The following WDR1 variants were observed in gnomAD, a reference collection of about 807,000 sequenced individuals.
WDR1 encodes WD repeat domain 1, also known as WD repeat-containing protein 1.
A neutral mutation model predicts 71.9 loss-of-function variants in WDR1; 21 were observed. The ratio of observed to expected loss-of-function variants is 0.29; its 90% CI spans 0.21 to 0.42. The LOEUF is 0.42. Among genes scored for constraint, WDR1 ranks in the 10% least tolerant of loss-of-function variants. WDR1 has a pLI of 1.00. For missense variants in WDR1, 696 were observed against 824.5 expected (o/e 0.84, Z 1.91); for synonymous variants, 424 against 347.4 (o/e 1.22, Z -2.45).
intron 5 of WDR1, chr4:10,092,782 T>C (rs1002178374): frequency 2.9e-5 from 9 of 312,560 alleles, no homozygotes; most frequent in South Asian, 1.0e-4. Flanking sequence ...GGGAGAGGGA[T>C]TGGGGAACCT....
chr4:10,110,389 G>A (rs1713278444), intron 2 of WDR1, among the ~76,000 whole-genome samples: 1 of 152,186 alleles, frequency 6.6e-6, no homozygotes, highest in South Asian at 2.1e-4. Context: ...TTACGCATGA[G>A]GCTAAACCTC....
intron 5 of WDR1, among the ~76,000 whole-genome samples, chr4:10,095,379 C>T (rs569488710): frequency 6.6e-6 from 1 of 152,230 alleles, no homozygotes. Context: ...CTTCCACATC[C>T]CAGGCTTTCC....
intron 3 of WDR1, among the ~76,000 whole-genome samples, chr4:10,101,215 G>C (rs1213251388): frequency 6.6e-6 from 1 of 152,224 alleles, no homozygotes. Flanking sequence ...TGCCCCGTGG[G>C]AATGTGGGCT....
chr4:10,077,857 T>G lies in WDR1; in HGVS notation c.1465A>C (p.Lys489Gln), dbSNP rs568869293. 1 of 1,611,176 alleles carries G rather than the reference T, an allele frequency of 6.2e-7. No individual in the cohort carries two copies. The highest frequency in any genetic ancestry group is 1.1e-5 in the South Asian group (1 of 90,482). Reference protein sequence around the residue: ...LKDEGKLLEAKGPVTDVAYSH... With the variant: ...LKDEGKLLEAQGPVTDVAYSH... The stretch of plus-strand genomic sequence containing the variant: ...TAGGCCACGTCGGTCACGGGGCCCT[T>G]GGCCTCTAGGAGCTTGCCCTCATCC... Residue 489 changes from lysine to glutamine, a missense_variant, in exon 13 of 15, where the codon AAG (lysine) becomes CAG (glutamine). Coordinates refer to ENST00000499869, the MANE Select transcript of WDR1 (RefSeq NM_017491.5).
chr4:10,098,421 A>C (rs1712486519), intron 4 of WDR1, among the ~76,000 whole-genome samples: 1 of 152,252 alleles, frequency 6.6e-6, no homozygotes, highest in African/African-American at 2.4e-5. Flanking sequence ...TGTCAAGTTC[A>C]AGGGGTTATG....
At chr4:10,089,104 C>T (rs1711796847) in intron 5 of WDR1, among the ~76,000 whole-genome samples, 2 of 152,192 alleles carry the variant, frequency 1.3e-5, no homozygotes, top group Admixed American at 1.3e-4. Context: ...TGGCTGAGAC[C>T]AGGAGGCCTC....
chr4:10,107,083 G>A (rs1713065267), intron 2 of WDR1, among the ~76,000 whole-genome samples: 1 of 152,186 alleles, frequency 6.6e-6, no homozygotes, highest in Admixed American at 6.5e-5. Flanking sequence ...AGGGCAGGAA[G>A]CCAATTCCAG....
At chr4:10,097,489 C>T (rs1022980995) in intron 5 of WDR1, among the ~76,000 whole-genome samples, 1 of 152,246 alleles carries the variant, frequency 6.6e-6, no homozygotes, top group Non-Finnish European at 1.5e-5. Flanking sequence ...GGGCAGGGCC[C>T]TTCCTTGTGG....
rs1165674234 is a variant in WDR1 at position 10,116,739 on chromosome 4, G to A, written c.-73C>T. The stretch of plus-strand genomic sequence containing the variant: ...CGGCCCGCGCTGCGAATTACACCTC[G>A]CCGAGGCCGAGCCCGGGGACTGGAG... On this transcript the variant is annotated 5_prime_UTR_variant, in exon 1 of 15. Transcript: ENST00000499869. 7.9e-6 allele frequency: 10 copies of A among 1,273,832 alleles called. No individual in the cohort carries two copies. The African/African-American group carries it at 1.2e-4, about 16-fold the overall frequency. 78.9% of individuals were successfully genotyped at this position (1,273,832 alleles called of 1,614,324 possible).
Position 10,084,592 on chromosome 4 carries a change from G to A in WDR1, c.952-62C>T, listed in dbSNP as rs531568468. On this transcript the variant is annotated intron_variant, in intron 8 of 14. Transcript: ENST00000499869. ...CACACTGCCCTGCCCTCTGCCACCC[G>A]CTTTCCACCAACGAAGCTTCTGGGT... is the stretch of plus-strand genomic sequence containing the variant. The A allele has an allele frequency of 1.2e-4, 188 of 1,506,262 alleles. 1 individual carries two copies. Among genetic ancestry groups the A allele is most frequent in the South Asian group, 6.9e-4 (60 of 87,118 alleles). The allele number at this position is 1,506,262 out of a possible 1,614,324, so 93.3% of individuals were successfully genotyped here. A position where few individuals can be genotyped will look rare whatever the true frequency, so the allele number is the denominator to read the frequency against.
At chr4:10,084,933 C>T (rs926348311) in intron 8 of WDR1, among the ~76,000 whole-genome samples, 2 of 152,252 alleles carry the variant, frequency 1.3e-5, no homozygotes. Context: ...ACTTCGCTGG[C>T]CACATTCGCT....
chr4:10,075,710 G>T, intron 14 of WDR1: 2 of 580,402 alleles, frequency 3.4e-6, no homozygotes, highest in Non-Finnish European at 6.2e-6. Flanking sequence ...GTGCTGCAGG[G>T]TAATTAGCAG....
At chr4:10,107,918 C>A (rs1297576168) in intron 2 of WDR1, among the ~76,000 whole-genome samples, 2 of 152,174 alleles carry the variant, frequency 1.3e-5, no homozygotes, top group African/African-American at 4.8e-5. Flanking sequence ...TTGGACTTGA[C>A]CCGGGAGGCC....
intron 2 of WDR1, among the ~76,000 whole-genome samples, chr4:10,114,314 G>A (rs1713575605): frequency 6.6e-6 from 1 of 152,224 alleles, no homozygotes; most frequent in Admixed American, 6.5e-5. Context: ...GGTTTCACAA[G>A]CTGGGAAATG....
intron 5 of WDR1, among the ~76,000 whole-genome samples, chr4:10,093,816 A>G (rs1190881105): frequency 1.3e-5 from 2 of 152,272 alleles, no homozygotes; most frequent in Admixed American, 1.3e-4. Context: ...TGGCCCAGGC[A>G]GCCACCATAC....
At chr4:10,091,739 G>A (rs764195256) in intron 5 of WDR1, 1 of 152,314 alleles carries the variant, frequency 6.6e-6, no homozygotes, top group African/African-American at 2.4e-5. Context: ...TTCCCGTCGG[G>A]GTTAGCCGAT....
chr4:10,101,224 C>T (rs572176325), intron 3 of WDR1, among the ~76,000 whole-genome samples: 8 of 152,348 alleles, frequency 5.3e-5, no homozygotes, highest in Admixed American at 1.3e-4. Flanking sequence ...GGAATGTGGG[C>T]TCCCAGAGTG....
intron 5 of WDR1, chr4:10,093,277 C>T (rs537943538): frequency 7.7e-5 from 43 of 560,284 alleles, no homozygotes; most frequent in Non-Finnish European, 1.1e-4. Context: ...GTTCACATGC[C>T]TATGAGCTGG....
At chr4:10,100,490 T>G (rs1245905102) in intron 3 of WDR1, among the ~76,000 whole-genome samples, 1 of 152,250 alleles carries the variant, frequency 6.6e-6, no homozygotes, top group African/African-American at 2.4e-5. Context: ...GCCACGAAGA[T>G]GCCTTGCTTG....
Sources: allele counts gnomAD v4.1 joint callset (sites outside exome capture counted in the v4.1 genomes callset), GRCh38; gene constraint gnomAD v4.1.1; transcripts MANE v1.5; gene names NCBI Gene and HGNC (gene_info 2026-07-23, HGNC 2026-07-21).